CNTNAP2: variants seen among roughly 807,000 people sequenced by gnomAD.
CNTNAP2 encodes the protein contactin associated protein 2.
In CNTNAP2, 98 loss-of-function variants were observed where a neutral mutation model predicts 155.2. The observed-to-expected ratio is 0.63, with a 90% CI of 0.54 to 0.75. The LOEUF is 0.75. Ranked by LOEUF, CNTNAP2 falls within the 30% of genes least tolerant of loss-of-function variation. CNTNAP2 has a pLI of 0.00. For missense variants in CNTNAP2, 1,727 were observed against 1,688.1 expected, an observed-to-expected ratio of 1.02 and a Z score of -0.40; for synonymous variants, 651 against 631.2, an observed-to-expected ratio of 1.03 and a Z score of -0.47.
intron 12 of CNTNAP2, among the ~76,000 whole-genome samples, chr7:147,611,327 T>A (rs962798363): frequency 9.9e-5 from 15 of 152,160 alleles, no homozygotes; most frequent in African/African-American, 3.6e-4. Context: ...GCCACACAGA[T>A]GAATTCTTGA....
chr7:148,096,401 C>G lies in CNTNAP2; in HGVS notation c.2384-21717C>G, dbSNP rs533662460. Among the ~76,000 whole-genome samples, 28 of 151,946 alleles carry G rather than the reference C, an allele frequency of 1.8e-4. No individual in the cohort carries two copies. In the South Asian group the frequency reaches 4.6e-3, roughly 25 times the overall value. ...GATATAGGCCATGGATATTAAAGTA[C>G]CCCCATTTTGTGTTGATACATGAAA... On this transcript the variant is annotated intron_variant, in intron 15 of 23. Transcript: ENST00000361727.
intron 2 of CNTNAP2, among the ~76,000 whole-genome samples, chr7:146,780,537 A>G (rs1353916757): frequency 2.0e-5 from 3 of 151,952 alleles, no homozygotes; most frequent in Admixed American, 6.6e-5. Flanking sequence ...GTGAAATAGA[A>G]TCTCATTGTG....
At chr7:147,228,907 T>C (rs1341258830) in intron 8 of CNTNAP2, among the ~76,000 whole-genome samples, 1 of 151,922 alleles carries the variant, frequency 6.6e-6, no homozygotes, top group African/African-American at 2.4e-5. Context: ...ACATGCAGTG[T>C]TTGGGTTTCT....
At chr7:147,215,452 T>G (rs1231838754) in intron 8 of CNTNAP2, among the ~76,000 whole-genome samples, 2 of 152,164 alleles carry the variant, frequency 1.3e-5, no homozygotes, top group African/African-American at 4.8e-5. Flanking sequence ...TCATACAGTA[T>G]GTAGCCTTTT....
intron 1 of CNTNAP2, among the ~76,000 whole-genome samples, chr7:146,385,238 T>A (rs1443512461): frequency 6.6e-6 from 1 of 152,192 alleles, no homozygotes; most frequent in Admixed American, 6.5e-5. Context: ...TGTAATCTTG[T>A]TGCTCTTCCA....
intron 14 of CNTNAP2, among the ~76,000 whole-genome samples, chr7:147,913,473 C>A (rs537723939): frequency 2.0e-5 from 3 of 152,212 alleles, no homozygotes; most frequent in Non-Finnish European, 2.9e-5. Flanking sequence ...CTTAGACAAA[C>A]AAACACAAAT....
intron 3 of CNTNAP2, among the ~76,000 whole-genome samples, chr7:146,860,052 T>A (rs1189453469): frequency 6.6e-6 from 1 of 152,092 alleles, no homozygotes; most frequent in Non-Finnish European, 1.5e-5. Flanking sequence ...TTAAATAGAG[T>A]GGTAAAAACA....
At chr7:147,484,946 T>C (rs1454270195) in intron 10 of CNTNAP2, among the ~76,000 whole-genome samples, 1 of 152,204 alleles carries the variant, frequency 6.6e-6, no homozygotes, top group African/African-American at 2.4e-5. Flanking sequence ...AATACCTTTG[T>C]TATCTGTGAG....
chr7:146,511,071 A>AT (rs973723639), intron 1 of CNTNAP2, among the ~76,000 whole-genome samples: 3 of 151,282 alleles, frequency 2.0e-5, no homozygotes, highest in South Asian at 4.2e-4. Context: ...TAATTTTTGT[A>AT]TTTTTTTTAG....
At chr7:147,928,236 G>T (rs975956400) in intron 14 of CNTNAP2, among the ~76,000 whole-genome samples, 11 of 152,130 alleles carry the variant, frequency 7.2e-5, no homozygotes, top group Non-Finnish European at 1.3e-4. Context: ...CCAGTCTCGG[G>T]TAATTAGCAG....
intron 9 of CNTNAP2, among the ~76,000 whole-genome samples, chr7:147,385,984 A>G (rs188563089): frequency 2.6e-4 from 40 of 152,346 alleles, no homozygotes; most frequent in Admixed American, 9.8e-4. Context: ...CCAAACCTCA[A>G]TTATTGACTT....
At chr7:146,620,662 T>C (rs995550734) in intron 1 of CNTNAP2, among the ~76,000 whole-genome samples, 2 of 152,168 alleles carry the variant, frequency 1.3e-5, no homozygotes, top group African/African-American at 4.8e-5. Context: ...TTATGCAACA[T>C]TTAGCTGTGA....
intron 13 of CNTNAP2, among the ~76,000 whole-genome samples, chr7:147,881,122 C>T (rs931210015): frequency 1.3e-5 from 2 of 152,020 alleles, no homozygotes; most frequent in East Asian, 1.9e-4. Context: ...TGTATTTTTC[C>T]ATGAATTTAA....
intron 11 of CNTNAP2, among the ~76,000 whole-genome samples, chr7:147,534,052 C>T (rs1415800784): frequency 1.3e-5 from 2 of 152,160 alleles, no homozygotes; most frequent in African/African-American, 2.4e-5. Context: ...AGAATTTACG[C>T]AATTCTCTAT....
chr7:147,514,302 T>C (rs886712307), intron 11 of CNTNAP2, among the ~76,000 whole-genome samples: 12 of 152,176 alleles, frequency 7.9e-5, no homozygotes, highest in African/African-American at 2.9e-4. Context: ...TATAAATCAA[T>C]AGATGTAGAT....
chr7:147,956,799 A>G (rs976631837), intron 14 of CNTNAP2, among the ~76,000 whole-genome samples: 1 of 152,168 alleles, frequency 6.6e-6, no homozygotes, highest in Non-Finnish European at 1.5e-5. Context: ...TTTCTTTTCT[A>G]GAAATGAGTG....
intron 8 of CNTNAP2, among the ~76,000 whole-genome samples, chr7:147,287,024 C>T (rs545129281): frequency 6.6e-6 from 1 of 152,110 alleles, no homozygotes; most frequent in Non-Finnish European, 1.5e-5. Flanking sequence ...ACACTTGTTA[C>T]GGCATGGTGA....
At chr7:148,230,690 T>G (rs1297035301) in intron 20 of CNTNAP2, among the ~76,000 whole-genome samples, 1 of 152,228 alleles carries the variant, frequency 6.6e-6, no homozygotes, top group Non-Finnish European at 1.5e-5. Context: ...TAACTTGATA[T>G]GGAGTTTGCG....
At chr7:147,819,444 T>C (rs1032461805) in intron 13 of CNTNAP2, among the ~76,000 whole-genome samples, 2 of 152,118 alleles carry the variant, frequency 1.3e-5, no homozygotes, top group African/African-American at 4.8e-5. Context: ...GTATTCCAGA[T>C]CTTGATCCTC....
Sources: allele counts gnomAD v4.1 joint callset (sites outside exome capture counted in the v4.1 genomes callset), GRCh38; gene constraint gnomAD v4.1.1; transcripts MANE v1.5; gene names NCBI Gene and HGNC (gene_info 2026-07-23, HGNC 2026-07-21).